SRSF11: variants seen among roughly 807,000 people sequenced by gnomAD.
SRSF11 encodes the protein serine/arginine-rich splicing factor 11.
In SRSF11, 9 loss-of-function variants were observed where a neutral mutation model predicts 56.0. The observed-to-expected ratio is 0.16, with a 90% CI of 0.10 to 0.28. The LOEUF is 0.28. Ranked by LOEUF, SRSF11 falls within the 10% of genes least tolerant of loss-of-function variation. The pLI is 1.00. For missense variants in SRSF11, 421 were observed against 600.7 expected (o/e 0.70, Z 3.13); for synonymous variants, 222 against 215.3 (o/e 1.03, Z -0.27).
At chr1:70,214,475 A>G (rs1390387269) in intron 1 of SRSF11, among the ~76,000 whole-genome samples, 2 of 152,182 alleles carry the variant, frequency 1.3e-5, no homozygotes, top group African/African-American at 4.8e-5. Flanking sequence ...TTTTTCCTCT[A>G]TTTAATCATA....
At chr1:70,228,601 A>G in intron 2 of SRSF11, 46 bp downstream of exon 2, 3 of 1,591,440 alleles carry the variant, frequency 1.9e-6, no homozygotes, top group Non-Finnish European at 1.7e-6. Context: ...TAAGATGACC[A>G]TCTACCTCAG....
intron 5 of SRSF11, among the ~76,000 whole-genome samples, chr1:70,236,286 A>G (rs1673988781): frequency 6.6e-6 from 1 of 150,770 alleles, no homozygotes; most frequent in African/African-American, 2.4e-5. Flanking sequence ...ACAAATAACT[A>G]CTAAATTTGT....
intron 9 of SRSF11, chr1:70,248,636 A>C (rs1168750802): frequency 6.6e-6 from 1 of 152,156 alleles, no homozygotes; most frequent in Non-Finnish European, 1.5e-5. Context: ...GGTACTACAT[A>C]TATTTTCTTA....
rs1170145395 is a variant in SRSF11 at position 70,252,420 on chromosome 1, C to CT, written c.*1616dup. 1 of 151,930 alleles carries CT rather than the reference C, an allele frequency of 6.6e-6. No individual in the cohort carries two copies. Among genetic ancestry groups the CT allele is most frequent in the Non-Finnish European group, 1.5e-5 (1 of 67,952 alleles). 9.4% of individuals were successfully genotyped at this position (151,930 alleles called of 1,614,324 possible). A position where few individuals can be genotyped will look rare whatever the true frequency, so the allele number is the denominator to read the frequency against. On this transcript the variant is annotated 3_prime_UTR_variant, in exon 12 of 12. Transcript: ENST00000370949. ...TATGAAATGAGTAGTGTTTGGGTGG[C>CT]TGGGGTTAAGGGAAAATGAGACTTG...
At chr1:70,233,688 A>G (rs1673330026) in intron 3 of SRSF11, among the ~76,000 whole-genome samples, 1 of 152,230 alleles carries the variant, frequency 6.6e-6, no homozygotes, top group South Asian at 2.1e-4. Context: ...TGTGTTTACT[A>G]AATAAATTGA....
chr1:70,231,883 T>C, intron 2 of SRSF11: 1 of 1,510,832 alleles, frequency 6.6e-7, no homozygotes. Context: ...CGAGTCGTTG[T>C]TCATAAAACA....
At chr1:70,207,925 G>C (rs1669204118) in intron 1 of SRSF11, among the ~76,000 whole-genome samples, 1 of 151,846 alleles carries the variant, frequency 6.6e-6, no homozygotes, top group African/African-American at 2.4e-5. Flanking sequence ...TGCCAAGGCT[G>C]GTCTTGAACT....
At chr1:70,236,272 G>A (rs1673986760) in intron 5 of SRSF11, among the ~76,000 whole-genome samples, 1 of 150,070 alleles carries the variant, frequency 6.7e-6, no homozygotes, top group African/African-American at 2.5e-5. Flanking sequence ...TTCCTGTTCT[G>A]CCCACAAATA....
intron 8 of SRSF11, among the ~76,000 whole-genome samples, chr1:70,246,523 GTTAAC>G (rs2100991379): frequency 6.6e-6 from 1 of 152,170 alleles, no homozygotes; most frequent in South Asian, 2.1e-4. Context: ...CCTAGAGATA[GTTAAC>G]TTATTGGTGT....
chr1:70,210,755 T>C (rs1444539987), intron 1 of SRSF11, among the ~76,000 whole-genome samples: 1 of 152,072 alleles, frequency 6.6e-6, no homozygotes, highest in Non-Finnish European at 1.5e-5. Context: ...TCTCTCCACT[T>C]TCAACACAAA....
At chr1:70,242,026 G>T (rs564326355) in intron 7 of SRSF11, among the ~76,000 whole-genome samples, 2 of 152,232 alleles carry the variant, frequency 1.3e-5, no homozygotes, top group South Asian at 4.1e-4. Flanking sequence ...AATCAGCTGG[G>T]TGTGGTGGCG....
chr1:70,230,851 A>T (rs1362632313), intron 2 of SRSF11: 1 of 1,176,028 alleles, frequency 8.5e-7, no homozygotes, highest in African/African-American at 1.6e-5. Flanking sequence ...TGCATGCAAA[A>T]TTATCCCATA....
At chr1:70,210,356 C>T (rs1669453991) in intron 1 of SRSF11, among the ~76,000 whole-genome samples, 1 of 151,996 alleles carries the variant, frequency 6.6e-6, no homozygotes, top group African/African-American at 2.4e-5. Flanking sequence ...AGGGTCTCCC[C>T]ATATTGCCCA....
intron 8 of SRSF11, 39 bp from the exon 9 acceptor site, chr1:70,246,779 A>C (rs752544472): frequency 2.4e-5 from 34 of 1,393,550 alleles, no homozygotes; most frequent in Non-Finnish European, 3.1e-5. Flanking sequence ...GCATCAGCTG[A>C]GTCTTCTAAT....
At chr1:70,244,890 G>T (rs2034756) in intron 8 of SRSF11, 75 bp downstream of exon 8, 127,165 of 1,440,928 alleles carry the variant, frequency 0.088, 7,353 homozygotes, top group East Asian at 0.3. Flanking sequence ...TAACAAAAGA[G>T]GTGGTTGGGG....
intron 2 of SRSF11, chr1:70,229,730 C>T: frequency 1.0e-6 from 1 of 984,200 alleles, no homozygotes; most frequent in Non-Finnish European, 1.2e-6. Context: ...TACACCATAC[C>T]TTGTAAAAGT....
intron 1 of SRSF11, among the ~76,000 whole-genome samples, chr1:70,210,546 CTACAAAAAA>C (rs1669472298): frequency 6.6e-6 from 1 of 152,102 alleles, no homozygotes; most frequent in African/African-American, 2.4e-5. Flanking sequence ...AACTCTGTCT[CTACAAAAAA>C]TACAAAAATT....
At chr1:70,237,890 A>G (rs565088270) in intron 6 of SRSF11, among the ~76,000 whole-genome samples, 33 of 152,304 alleles carry the variant, frequency 2.2e-4, no homozygotes, top group African/African-American at 7.7e-4. Context: ...ATGTTTTTCT[A>G]AGTTGGGATA....
intron 2 of SRSF11, chr1:70,231,283 G>A: frequency 1.7e-6 from 2 of 1,173,078 alleles, no homozygotes; most frequent in Non-Finnish European, 2.1e-6. Flanking sequence ...TAGTTTAATT[G>A]TATTATTGAA....
Sources: allele counts gnomAD v4.1 joint callset (sites outside exome capture counted in the v4.1 genomes callset), GRCh38; gene constraint gnomAD v4.1.1; transcripts MANE v1.5; gene names NCBI Gene and HGNC (gene_info 2026-07-23, HGNC 2026-07-21).